The following RTN1 variants were observed in gnomAD, a reference collection of about 807,000 sequenced individuals.
RTN1 encodes reticulon-1.
In RTN1, 25 loss-of-function variants were observed where a neutral mutation model predicts 65.5. The ratio of observed to expected loss-of-function variants is 0.38; its 90% CI spans 0.28 to 0.53. The LOEUF (loss-of-function observed/expected upper bound fraction) is 0.53. Ranked by LOEUF, RTN1 falls within the 20% of genes least tolerant of loss-of-function variation. The pLI, the probability that RTN1 is intolerant of heterozygous loss-of-function variation, is 0.79. For synonymous variants in RTN1, 471 were observed against 447.6 expected, an observed-to-expected ratio of 1.05 and a Z score of -0.66; for missense variants, 983 against 1,025.4, an observed-to-expected ratio of 0.96 and a Z score of 0.57.
At chr14:59,629,485 A>G (rs1447638843) in intron 3 of RTN1, among the ~76,000 whole-genome samples, 1 of 152,110 alleles carries the variant, frequency 6.6e-6, no homozygotes, top group Non-Finnish European at 1.5e-5. Flanking sequence ...ATGCTGCAAA[A>G]CCCTGCAGGT....
chr14:59,839,720 A>T (rs1887276204), intron 1 of RTN1, among the ~76,000 whole-genome samples: 1 of 152,206 alleles, frequency 6.6e-6, no homozygotes, highest in South Asian at 2.1e-4. Context: ...TCTTTTCCAT[A>T]AATTTGGGCT....
chr14:59,817,792 T>C (rs753733425), intron 1 of RTN1, among the ~76,000 whole-genome samples: 5 of 152,234 alleles, frequency 3.3e-5, no homozygotes, highest in Non-Finnish European at 7.3e-5. Flanking sequence ...CATTGCGTTT[T>C]CTCTATTTTT....
At chr14:59,625,882 G>C (rs1014408305) in intron 3 of RTN1, among the ~76,000 whole-genome samples, 2 of 151,970 alleles carry the variant, frequency 1.3e-5, no homozygotes, top group Non-Finnish European at 2.9e-5. Context: ...ACCTACATTT[G>C]GTATATTATC....
At position 59,863,952 on chromosome 14, in the gene RTN1, G is replaced by A. The variant is rs558527223; in HGVS notation, c.241+6438C>T. Reference sequence around the variant, plus strand: ...CCTCTTCCAATGCTGTTACTCTGGTGCAAGCCACCATGATTTCTTTCTCAG... The same window carrying A: ...CCTCTTCCAATGCTGTTACTCTGGTACAAGCCACCATGATTTCTTTCTCAG... On this transcript the variant is annotated intron_variant, in intron 1 of 8. Coordinates refer to ENST00000267484, the MANE Select transcript of RTN1 (RefSeq NM_021136.3). Among the ~76,000 whole-genome samples, 30 of 151,968 alleles carry A rather than the reference G, an allele frequency of 2.0e-4. No individual in the cohort carries two copies. In the East Asian group the frequency reaches 5.6e-3, roughly 28 times the overall value.
chr14:59,717,888 T>C (rs1303067292), intron 3 of RTN1, among the ~76,000 whole-genome samples: 1 of 152,214 alleles, frequency 6.6e-6, no homozygotes, highest in Non-Finnish European at 1.5e-5. Context: ...ACATAGTCCC[T>C]AGAGTAATGA....
chr14:59,704,859 T>C (rs1884257530), intron 3 of RTN1, among the ~76,000 whole-genome samples: 1 of 152,124 alleles, frequency 6.6e-6, no homozygotes, highest in South Asian at 2.1e-4. Flanking sequence ...ATCATTTTGA[T>C]GCCAACTGAA....
rs530313190 is a variant in RTN1 at position 59,868,561 on chromosome 14, CA to C, written c.241+1828del. On this transcript the variant is annotated intron_variant, in intron 1 of 8. Coordinates refer to ENST00000267484, the MANE Select transcript of RTN1 (RefSeq NM_021136.3). This position sits in a 1 kb window ranked among gnomAD's most constrained non-coding sequence, Gnocchi z 4.0. ...GAGTAAATTTTAAACGCTTTTACCA[CA>C]AAAAAAAAGTACATGAGATGATGGA... 3.7e-3 allele frequency among the ~76,000 whole-genome samples: 562 copies of C among 150,842 alleles called. 1 individual carries two copies. Among genetic ancestry groups the C allele is most frequent in the Middle Eastern group, 0.024 (7 of 288 alleles).
intron 8 of RTN1, among the ~76,000 whole-genome samples, chr14:59,599,902 A>G (rs1881526632): frequency 6.6e-6 from 1 of 152,206 alleles, no homozygotes; most frequent in Non-Finnish European, 1.5e-5. Flanking sequence ...GAGAGCTTCT[A>G]GGTAAAATTA....
chr14:59,768,755 G>A (rs372476912), intron 1 of RTN1, among the ~76,000 whole-genome samples: 3 of 152,102 alleles, frequency 2.0e-5, no homozygotes, highest in Non-Finnish European at 2.9e-5. Flanking sequence ...TAATACTAAG[G>A]ATGACAATAG....
At chr14:59,636,889 C>T (rs2140188994) in intron 3 of RTN1, among the ~76,000 whole-genome samples, 1 of 152,288 alleles carries the variant, frequency 6.6e-6, no homozygotes, top group South Asian at 2.1e-4. Context: ...TCTGAGCCTT[C>T]AGTAATTCAT....
chr14:59,701,439 G>C (rs1390958489), intron 3 of RTN1, among the ~76,000 whole-genome samples: 1 of 152,130 alleles, frequency 6.6e-6, no homozygotes, highest in Non-Finnish European at 1.5e-5. Flanking sequence ...CAAATGATGA[G>C]TGGATAAATC....
At chr14:59,808,350 T>G (rs975305952) in intron 1 of RTN1, among the ~76,000 whole-genome samples, 2 of 152,248 alleles carry the variant, frequency 1.3e-5, no homozygotes, top group African/African-American at 4.8e-5. Context: ...CCCAAACTGC[T>G]ACACTTTGGA....
At chr14:59,714,017 C>T (rs770973741) in intron 3 of RTN1, among the ~76,000 whole-genome samples, 8 of 152,078 alleles carry the variant, frequency 5.3e-5, no homozygotes, top group East Asian at 1.9e-4. Flanking sequence ...AGGCAGATCA[C>T]GAGGTCAGGA....
intron 3 of RTN1, among the ~76,000 whole-genome samples, chr14:59,721,621 C>T (rs931970538): frequency 6.6e-6 from 1 of 152,224 alleles, no homozygotes; most frequent in Admixed American, 6.5e-5. Context: ...CCAAGCAACA[C>T]TTAAGTCCTT....
chr14:59,725,878 G>A (rs960972639), intron 3 of RTN1, among the ~76,000 whole-genome samples: 2 of 152,206 alleles, frequency 1.3e-5, no homozygotes, highest in African/African-American at 4.8e-5. Flanking sequence ...AGGAAAGAGG[G>A]CGCACCCTTG....
At chr14:59,710,106 G>A (rs1199214043) in intron 3 of RTN1, among the ~76,000 whole-genome samples, 2 of 145,882 alleles carry the variant, frequency 1.4e-5, no homozygotes, top group East Asian at 2.0e-4. Context: ...GCAGTGGCAC[G>A]ATCTCAGCTC....
At chr14:59,620,495 T>C (rs1295543713) in intron 3 of RTN1, among the ~76,000 whole-genome samples, 1 of 152,184 alleles carries the variant, frequency 6.6e-6, no homozygotes, top group Non-Finnish European at 1.5e-5. Flanking sequence ...ATGTAAAATA[T>C]CTCATTAATT....
At chr14:59,627,384 T>G (rs1365777431) in intron 3 of RTN1, among the ~76,000 whole-genome samples, 1 of 152,236 alleles carries the variant, frequency 6.6e-6, no homozygotes, top group African/African-American at 2.4e-5. Context: ...AAAGCCTCAG[T>G]CATCCCCTCC....
At position 59,862,968 on chromosome 14, in the gene RTN1, C is replaced by G. The variant is rs140290603; in HGVS notation, c.241+7422G>C. Among the ~76,000 whole-genome samples the G allele has an allele frequency of 3.1e-3, 469 of 152,182 alleles. 3 individuals are homozygous for G. The highest frequency in any genetic ancestry group is 0.02 in the Middle Eastern group (6 of 294). On this transcript the variant is annotated intron_variant, in intron 1 of 8. Coordinates refer to ENST00000267484, the MANE Select transcript of RTN1 (RefSeq NM_021136.3). ...TGGAAAACTTCCACCTGTTCTCAGCCCCATCTCCAACCACTCCCTGCAGGT... is the reference window on the plus strand; with the variant it reads ...TGGAAAACTTCCACCTGTTCTCAGCGCCATCTCCAACCACTCCCTGCAGGT...
Sources: allele counts gnomAD v4.1 joint callset (sites outside exome capture counted in the v4.1 genomes callset), GRCh38; gene constraint gnomAD v4.1.1; non-coding constraint Gnocchi (gnomAD v3.1); transcripts MANE v1.5; gene names NCBI Gene and HGNC (gene_info 2026-07-23, HGNC 2026-07-21).